RPRD1A: variants seen among roughly 807,000 people sequenced by gnomAD.
RPRD1A encodes the protein regulation of nuclear pre-mRNA domain-containing protein 1A.
RPRD1A carries 9 observed loss-of-function variants against 37.8 expected under a neutral mutation model. The ratio of observed to expected loss-of-function variants is 0.24; its 90% confidence interval spans 0.14 to 0.42. RPRD1A has a LOEUF of 0.42. Ranked by LOEUF, RPRD1A falls within the 10% of genes least tolerant of loss-of-function variation. The pLI, the probability that RPRD1A is intolerant of heterozygous loss-of-function variation, is 1.00. For synonymous variants in RPRD1A, 138 were observed against 139.7 expected (o/e 0.99, Z 0.08); for missense variants, 255 against 371.0 (o/e 0.69, Z 2.57).
chr18:36,047,364 T>A (rs902477751), intron 1 of RPRD1A, among the ~76,000 whole-genome samples: 7 of 151,824 alleles, frequency 4.6e-5, no homozygotes, highest in African/African-American at 1.7e-4. Flanking sequence ...AAGGTACACA[T>A]GAAAAAAGAC....
chr18:35,993,404 AT>A, intron 6 of RPRD1A, 104 bp from the exon 7 acceptor site: 1 of 1,105,260 alleles, frequency 9.0e-7, no homozygotes, highest in Non-Finnish European at 1.3e-6. Context: ...AGTTAATGCC[AT>A]ATTTAAAAAG....
rs1020720639 is a variant in RPRD1A, at chr18:36,028,909, T to C, written c.487-1599A>G. On this transcript the variant is annotated intron_variant, in intron 4 of 6. Transcript: ENST00000399022. ...ATTACTTAAAAATACTCCTAAGATATGCAACTGTGGTTACCCTTTCATCAG... is the reference window on the plus strand; with the variant it reads ...ATTACTTAAAAATACTCCTAAGATACGCAACTGTGGTTACCCTTTCATCAG... Among the ~76,000 whole-genome samples the C allele has an allele frequency of 4.6e-5, 7 of 152,326 alleles. No homozygotes were observed. In the South Asian group the frequency reaches 1.4e-3, roughly 32 times the overall value.
At chr18:36,035,045 A>G (rs1598638436) in intron 1 of RPRD1A, among the ~76,000 whole-genome samples, 1 of 152,240 alleles carries the variant, frequency 6.6e-6, no homozygotes, top group Non-Finnish European at 1.5e-5. Flanking sequence ...AGAGATGGCT[A>G]TAACAGAGAC....
intron 1 of RPRD1A, among the ~76,000 whole-genome samples, chr18:36,056,291 T>C (rs1322511104): frequency 6.6e-6 from 1 of 151,936 alleles, no homozygotes; most frequent in Non-Finnish European, 1.5e-5. Flanking sequence ...TTTGGGTTTT[T>C]GTGTTTTTTT....
At position 36,067,438 on chromosome 18, in the gene RPRD1A, G is replaced by C; in HGVS notation, c.-34C>G. The C allele has an allele frequency of 6.3e-7, 1 of 1,588,472 alleles. No individual in the cohort carries two copies. Among genetic ancestry groups the C allele is most frequent in the Non-Finnish European group, 8.6e-7 (1 of 1,166,756 alleles). On this transcript the variant is annotated 5_prime_UTR_variant, in exon 1 of 7. Transcript: ENST00000399022. Reference sequence around the variant, plus strand: ...CACCACGTTCACGCCGTCCCACGCGGTGGGGCCGAGGGGAGGAGAGTTTCG... The same window carrying C: ...CACCACGTTCACGCCGTCCCACGCGCTGGGGCCGAGGGGAGGAGAGTTTCG...
intron 6 of RPRD1A, among the ~76,000 whole-genome samples, chr18:36,013,755 A>G (rs1453498222): frequency 1.3e-5 from 2 of 152,216 alleles, no homozygotes; most frequent in Non-Finnish European, 2.9e-5. Context: ...CAAGTAAAAA[A>G]AAGTTTTTTT....
chr18:36,048,949 T>C (rs762179360), intron 1 of RPRD1A, among the ~76,000 whole-genome samples: 7 of 152,240 alleles, frequency 4.6e-5, no homozygotes, highest in Non-Finnish European at 1.0e-4. Context: ...TTGCACAGGC[T>C]GGAGTGCAGT....
chr18:36,036,400 T>A (rs1912199271), intron 1 of RPRD1A, among the ~76,000 whole-genome samples: 1 of 152,158 alleles, frequency 6.6e-6, no homozygotes, highest in South Asian at 2.1e-4. Context: ...ATTCATGGGT[T>A]ATATCAATCT....
chr18:36,027,303 T>C lies in RPRD1A; in HGVS notation c.494A>G (p.Asp165Gly). Reference sequence around the variant, plus strand: ...CAGATCTTGTAATGCTCTAACGAGATCTAGAGTCTAAAAAGTACACAACTT... The same window carrying C: ...CAGATCTTGTAATGCTCTAACGAGACCTAGAGTCTAAAAAGTACACAACTT... ...GSPSEPPQTL[D>G]LVRALQDLEN... Residue 165 changes from aspartate (D) to glycine (G), a missense_variant, in exon 5 of 7, where the codon GAT (aspartate) becomes GGT (glycine). Asp to Gly is a moderately conservative substitution (Grantham distance 94). Coordinates refer to ENST00000399022, the MANE Select transcript of RPRD1A (RefSeq NM_018170.5). 1.2e-6 allele frequency: 2 copies of C among 1,613,804 alleles called. No homozygotes were observed. The highest frequency in any genetic ancestry group is 2.2e-5 in the East Asian group (1 of 44,868).
intron 6 of RPRD1A, among the ~76,000 whole-genome samples, chr18:36,021,341 C>A (rs1344117792): frequency 7.0e-6 from 1 of 143,676 alleles, no homozygotes; most frequent in East Asian, 1.9e-4. Context: ...TTTGGTATTT[C>A]TTGTGCTATT....
Sources: allele counts gnomAD v4.1 joint callset (sites outside exome capture counted in the v4.1 genomes callset), GRCh38; gene constraint gnomAD v4.1.1; transcripts MANE v1.5; gene names NCBI Gene and HGNC (gene_info 2026-07-23, HGNC 2026-07-21).